The following UBE2L6 variants were observed in gnomAD, a reference collection of about 807,000 sequenced individuals.
UBE2L6 encodes ubiquitin conjugating enzyme E2 L6, also known as ubiquitin/ISG15-conjugating enzyme E2 L6.
Under a neutral mutation model 13.6 loss-of-function variants are expected in UBE2L6, and 11 were observed. That is an observed-to-expected ratio of 0.81 (90% confidence interval 0.51 to 1.34). The LOEUF (loss-of-function observed/expected upper bound fraction) is 1.34, where lower values mean the gene tolerates loss of function less well. UBE2L6 is among the 40% of genes most tolerant of loss of function. The pLI, the probability that UBE2L6 is intolerant of heterozygous loss-of-function variation, is 0.00. For synonymous variants in UBE2L6, 74 were observed against 83.2 expected (o/e 0.89, Z 0.60); for missense variants, 197 against 199.5 (o/e 0.99, Z 0.07).
At chr11:57,563,197 A>G (rs184544750) in intron 1 of UBE2L6, among the ~76,000 whole-genome samples, 36 of 152,220 alleles carry the variant, frequency 2.4e-4, no homozygotes, top group Admixed American at 5.9e-4. Context: ...GGAGTCGAAA[A>G]ATGCAATTGA....
upstream of UBE2L6, chr11:57,567,760 C>A (rs1945105700): frequency 1.0e-6 from 1 of 958,722 alleles, no homozygotes; most frequent in African/African-American, 1.7e-5. Flanking sequence ...CTCCCCGCAC[C>A]CGCTCCGGCG....
chr11:57,554,728 G>A (rs1024285942), intron 2 of UBE2L6, 105 bp from the exon 3 acceptor site: 1 of 1,225,104 alleles, frequency 8.2e-7, no homozygotes, highest in Non-Finnish European at 1.2e-6. Context: ...GAGGAATCAT[G>A]AGCCAGGACA....
intron 2 of UBE2L6, among the ~76,000 whole-genome samples, chr11:57,556,149 C>T (rs986841267): frequency 6.6e-6 from 1 of 152,072 alleles, no homozygotes; most frequent in African/African-American, 2.4e-5. Flanking sequence ...ACTCCGGAGC[C>T]ACCCTGCCTG....
Position 57,552,253 on chromosome 11 carries a change from G to A in UBE2L6, c.*105C>T. On this transcript the variant is annotated 3_prime_UTR_variant, in exon 4 of 4. Transcript: ENST00000287156. ...AACTAATGACTAACAACCTAAGAAG[G>A]GAAAAATGAATGGGGAATGGGCCAC... The A allele has an allele frequency of 6.7e-7, 1 of 1,485,188 alleles. No homozygotes were observed. The highest frequency in any genetic ancestry group is 2.3e-5 in the East Asian group (1 of 43,952). The allele number at this position is 1,485,188 out of a possible 1,614,324, so 92.0% of individuals were successfully genotyped here. A position where few individuals can be genotyped will look rare whatever the true frequency, so the allele number is the denominator to read the frequency against.
intron 1 of UBE2L6, among the ~76,000 whole-genome samples, chr11:57,561,921 G>A (rs1276877871): frequency 6.6e-6 from 1 of 152,200 alleles, no homozygotes; most frequent in African/African-American, 2.4e-5. Flanking sequence ...ACAATGAATT[G>A]GTACAAACCA....
At chr11:57,561,078 A>G (rs756753757) in intron 1 of UBE2L6, among the ~76,000 whole-genome samples, 4 of 151,968 alleles carry the variant, frequency 2.6e-5, no homozygotes, top group Non-Finnish European at 5.9e-5. Context: ...AGGGTACTTA[A>G]CCTCTGCTCT....
At chr11:57,561,298 G>A (rs145585402) in intron 1 of UBE2L6, among the ~76,000 whole-genome samples, 2 of 152,286 alleles carry the variant, frequency 1.3e-5, no homozygotes, top group African/African-American at 4.8e-5. Context: ...GGGGCAAGGA[G>A]TGACTCATCT....
chr11:57,560,381 T>C lies in UBE2L6; in HGVS notation c.79A>G (p.Ser27Gly). 11 of 1,614,042 alleles carry C rather than the reference T, an allele frequency of 6.8e-6. No individual in the cohort carries two copies. The highest frequency in any genetic ancestry group is 9.3e-6 in the Non-Finnish European group (11 of 1,179,988). ...KPPPYLRNLS[S>G]DDANVLVWHA... ...CACACCAGGACATTGGCATCATCGC[T>C]GGACAGGTTCCGCAGGTATGGGGGA... The change falls in exon 2 of 4, where the codon AGC (serine) becomes GGC (glycine). Residue 27 changes from serine to glycine, a missense_variant. Physicochemically the swap from Ser to Gly is moderately conservative, Grantham distance 56. Coordinates refer to ENST00000287156, the MANE Select transcript of UBE2L6 (RefSeq NM_004223.5).
rs951667858 is a variant in UBE2L6 at position 57,560,522 on chromosome 11, C to CA, written c.28-91dup. 3 of 939,614 alleles carry CA rather than the reference C, an allele frequency of 3.2e-6. No individual in the cohort carries two copies. The African/African-American group carries it at 4.8e-5, about 15-fold the overall frequency. The allele number at this position is 939,614 out of a possible 1,614,324, so 58.2% of individuals were successfully genotyped here. On this transcript the variant is annotated intron_variant, in intron 1 of 3. Coordinates refer to ENST00000287156, the MANE Select transcript of UBE2L6 (RefSeq NM_004223.5). ...CCCCAGCAGCAAGCTGCCCCAAGTT[C>CA]AAAACTGGCCATCTTAGGGGCAGAA...
chr11:57,565,544 T>C (rs549659359), intron 1 of UBE2L6, among the ~76,000 whole-genome samples: 34 of 151,872 alleles, frequency 2.2e-4, no homozygotes, highest in African/African-American at 8.2e-4. Context: ...TTGGTACTTT[T>C]TGTAGAGATG....
At chr11:57,564,322 G>A (rs1945069219) in intron 1 of UBE2L6, among the ~76,000 whole-genome samples, 2 of 152,104 alleles carry the variant, frequency 1.3e-5, no homozygotes, top group Admixed American at 6.5e-5. Context: ...AAATACGGCT[G>A]AGGGAAAAAA....
At chr11:57,559,143 G>T (rs1360087675) in intron 2 of UBE2L6, among the ~76,000 whole-genome samples, 1 of 152,208 alleles carries the variant, frequency 6.6e-6, no homozygotes, top group Non-Finnish European at 1.5e-5. Flanking sequence ...GGCACCTGAG[G>T]CCTAGAACAG....
intron 1 of UBE2L6, among the ~76,000 whole-genome samples, chr11:57,566,042 C>T (rs1234954588): frequency 6.6e-6 from 1 of 151,928 alleles, no homozygotes. Context: ...GGTCAATGGC[C>T]CTTCATTTAT....
At chr11:57,563,753 T>C (rs1945065069) in intron 1 of UBE2L6, among the ~76,000 whole-genome samples, 1 of 146,272 alleles carries the variant, frequency 6.8e-6, no homozygotes, top group African/African-American at 2.5e-5. Context: ...AAAAAAAAAA[T>C]TAGCCGGGCG....
intron 1 of UBE2L6, among the ~76,000 whole-genome samples, chr11:57,560,692 C>T (rs1433434965): frequency 6.7e-6 from 1 of 150,308 alleles, no homozygotes; most frequent in Non-Finnish European, 1.5e-5. Flanking sequence ...GCAATCTCGG[C>T]TCCCTGCAAG....
At position 57,552,419 on chromosome 11, in the gene UBE2L6, T is replaced by G; in HGVS notation, c.401A>C (p.Glu134Ala). The G allele has an allele frequency of 6.2e-7, 1 of 1,614,078 alleles. No individual in the cohort carries two copies. Among genetic ancestry groups the G allele is most frequent in the Non-Finnish European group, 8.5e-7 (1 of 1,180,012 alleles). The change falls in exon 4 of 4, where the codon GAG (glutamate) becomes GCG (alanine). Residue 134 changes from glutamate (E) to alanine (A), a missense_variant. By Grantham distance (107) the Glu-to-Ala change is moderately radical. Transcript: ENST00000287156. ...DLADLLTQNP[E>A]LFRKNAEEFT... ...CTCTTCGGCATTCTTTCTGAACAGCTCCGGATTCTGTGTCAGCAGGTCAGC... is the reference window on the plus strand; with the variant it reads ...CTCTTCGGCATTCTTTCTGAACAGCGCCGGATTCTGTGTCAGCAGGTCAGC...
chr11:57,566,081 T>A (rs1409008349), intron 1 of UBE2L6, among the ~76,000 whole-genome samples: 1 of 152,146 alleles, frequency 6.6e-6, no homozygotes, highest in Non-Finnish European at 1.5e-5. Context: ...GCATCTGCAC[T>A]TGTAAGAGTT....
At chr11:57,561,632 G>C (rs115657778) in intron 1 of UBE2L6, among the ~76,000 whole-genome samples, 2 of 152,166 alleles carry the variant, frequency 1.3e-5, no homozygotes, top group African/African-American at 4.8e-5. Context: ...AGTATGTCCT[G>C]CAGAAGGTTA....
intron 2 of UBE2L6, among the ~76,000 whole-genome samples, 166 bp from the exon 3 acceptor site, chr11:57,554,789 G>A (rs1944985103): frequency 6.6e-6 from 1 of 152,220 alleles, no homozygotes; most frequent in African/African-American, 2.4e-5. Flanking sequence ...TAGTGAAAAT[G>A]TGAAATCACC....
Sources: gnomAD v4.1 joint callset for allele counts (sites outside exome capture counted in the v4.1 genomes callset) on GRCh38, gnomAD v4.1.1 for gene constraint, MANE v1.5 for transcripts, NCBI Gene and HGNC (gene_info 2026-07-23, HGNC 2026-07-21) for gene names.